GRINA: variants seen among roughly 807,000 people sequenced by gnomAD.
GRINA encodes the protein glutamate ionotropic receptor NMDA type subunit associated protein 1.
A neutral mutation model predicts 42.5 loss-of-function variants in GRINA; 26 were observed. That is an observed-to-expected ratio of 0.61 (90% CI 0.45 to 0.85). The LOEUF (loss-of-function observed/expected upper bound fraction) is 0.85, where lower values mean the gene tolerates loss of function less well. Ranked by LOEUF, GRINA falls within the 40% of genes least tolerant of loss-of-function variation. The pLI, the probability that GRINA is intolerant of heterozygous loss-of-function variation, is 0.00. For missense variants in GRINA, 475 were observed against 481.5 expected (o/e 0.99, Z 0.13); for synonymous variants, 256 against 204.2 (o/e 1.25, Z -2.17).
rs1834106077 is a variant in GRINA at position 143,991,981 on chromosome 8, C to T, written c.596C>T (p.Thr199Ile). Residue 199 changes from threonine to isoleucine, a missense_variant, in exon 4 of 7, where the codon ACC (threonine) becomes ATC (isoleucine). Thr to Ile is a moderately conservative substitution (Grantham distance 89). Around this residue, in one of 2 missense-constraint regions of GRINA, gnomAD observed 321 missense variants for 267.2 expected, o/e 1.20. Transcript: ENST00000395068. ...GGCTTTGTCCGGGAGAATGTCTGGA[C>T]CTACTATGTCTCCTATGCTGTCTTC... Reference protein sequence around the residue: ...VKGFVRENVWTYYVSYAVFFI... With the variant: ...VKGFVRENVWIYYVSYAVFFI... 6.2e-7 allele frequency: 1 copy of T among 1,613,496 alleles called. No individual in the cohort carries two copies. The highest frequency in any genetic ancestry group is 1.3e-5 in the African/African-American group (1 of 74,892).
rs782648886 is a variant in GRINA at position 143,991,772 on chromosome 8, G to A, written c.460G>A (p.Asp154Asn). The change falls in exon 3 of 7, where the codon GAC becomes AAC. Residue 154 changes from aspartate (D) to asparagine (N), a missense_variant. Asp to Asn is a conservative substitution (Grantham distance 23). Coordinates refer to ENST00000395068, the MANE Select transcript of GRINA (RefSeq NM_001009184.2). Reference protein sequence around the residue: ...NQDFPATNWDDKSIRQAFIRK... With the variant: ...NQDFPATNWDNKSIRQAFIRK... ...GGACTTCCCTGCCACCAACTGGGAT[G>A]ACAAGAGCATCCGACAGGCCTTCAT... 1 of 1,613,802 alleles carries A rather than the reference G, an allele frequency of 6.2e-7. No individual in the cohort carries two copies. Among genetic ancestry groups the A allele is most frequent in the Non-Finnish European group, 8.5e-7 (1 of 1,179,730 alleles).
chr8:143,990,125 T>TGCGGGC lies in GRINA; in HGVS notation c.-96_-91dup, dbSNP rs1470225310. On this transcript the variant is annotated 5_prime_UTR_variant, in exon 1 of 7. Transcript: ENST00000395068. This position sits in a 1 kb window ranked among gnomAD's most constrained non-coding sequence, Gnocchi z 5.6. Reference sequence around the variant, plus strand: ...TGAGCGGCCGCCGAGCGGGTGCGGGTGCGGGCGCATCGGCCATCACCGCGC... The same window carrying TGCGGGC: ...TGAGCGGCCGCCGAGCGGGTGCGGGTGCGGGCGCGGGCGCATCGGCCATCACCGCGC... The TGCGGGC allele has an allele frequency of 1.2e-4, 18 of 149,974 alleles. No individual in the cohort carries two copies. Among genetic ancestry groups the TGCGGGC allele is most frequent in the African/African-American group, 2.9e-4 (12 of 40,904 alleles). The allele number at this position is 149,974 out of a possible 1,614,324, so 9.3% of individuals were successfully genotyped here.
At position 143,991,564 on chromosome 8, in the gene GRINA, A is replaced by T; in HGVS notation, c.341A>T (p.Tyr114Phe). ...YPQSPFPPNP[Y>F]GQPQVFPGQD... Reference sequence around the variant, plus strand: ...CAGAGCCCCTTCCCCCCCAACCCCTATGGACAGCCACAGGTCTTCCCAGGA... The same window carrying T: ...CAGAGCCCCTTCCCCCCCAACCCCTTTGGACAGCCACAGGTCTTCCCAGGA... Residue 114 changes from tyrosine (Y) to phenylalanine (F), a missense_variant, in exon 2 of 7, where the codon TAT becomes TTT. By Grantham distance (22) the Tyr-to-Phe change is conservative. Transcript: ENST00000395068. 1.3e-6 allele frequency: 2 copies of T among 1,581,110 alleles called. No individual in the cohort carries two copies. The highest frequency in any genetic ancestry group is 3.4e-5 in the Admixed American group (2 of 58,336).
At chr8:143,991,653 G>T in intron 2 of GRINA, 39 bp from the exon 3 acceptor site, 1 of 1,591,136 alleles carries the variant, frequency 6.3e-7, no homozygotes, top group Non-Finnish European at 8.6e-7. Context: ...AGGGGGAGGT[G>T]CTTGTGAGTG....
At chr8:143,991,108 G>A (rs574178689) in intron 1 of GRINA, 92 bp from the exon 2 acceptor site, 3 of 668,640 alleles carry the variant, frequency 4.5e-6, no homozygotes, top group South Asian at 2.1e-5. Flanking sequence ...GCTTCCCCCT[G>A]GGTTCCCAGA....
At position 143,992,390 on chromosome 8, in the gene GRINA, G is replaced by C. The variant is rs1225131889; in HGVS notation, c.822+17G>C. On this transcript the variant is annotated intron_variant, in intron 5 of 6. Transcript: ENST00000395068. ...TCCATGCAGGTGAGGGGCCTCCCGT[G>C]GCTGGGCTGTGGCCGCAGGGGCTGA... The C allele has an allele frequency of 1.1e-5, 18 of 1,609,436 alleles. No individual in the cohort carries two copies. The highest frequency in any genetic ancestry group is 1.4e-5 in the Non-Finnish European group (17 of 1,176,516).
Position 143,992,358 on chromosome 8 carries a change from C to T in GRINA, c.807C>T (p.Val269=). The change falls in exon 5 of 7, where the codon GTC becomes GTT. Residue 269 remains valine (V), a synonymous_variant. Transcript: ENST00000395068. ...CCACAGCCGTCTGCTTCACCGTCGT[C>T]ATCTTCTCCATGCAGGTGAGGGGCC... is the stretch of plus-strand genomic sequence containing the variant. The part of the protein sequence containing the change: ...GITTAVCFTV[V]IFSMQTRYDF... 6.3e-7 allele frequency: 1 copy of T among 1,599,334 alleles called. No individual in the cohort carries two copies.
Position 143,990,924 on chromosome 8 carries a change from G to A in GRINA, c.-24-276G>A, listed in dbSNP as rs1351828878. 4 of 208,420 alleles carry A rather than the reference G, an allele frequency of 1.9e-5. No homozygotes were observed. The highest frequency in any genetic ancestry group is 1.6e-3 in the Middle Eastern group (1 of 614). The allele number at this position is 208,420 out of a possible 1,614,324, so 12.9% of individuals were successfully genotyped here. A position where few individuals can be genotyped will look rare whatever the true frequency, so the allele number is the denominator to read the frequency against. ...CGGTTGCTTGTGAGAAACGACCCAA[G>A]CCCCAAATCCCGAGGCTGGCGGTCG... is the stretch of plus-strand genomic sequence containing the variant. On this transcript the variant is annotated intron_variant, in intron 1 of 6. Transcript: ENST00000395068. The surrounding 1 kb of genome is among the most constrained non-coding windows in gnomAD (Gnocchi z 5.6).
Position 143,991,251 on chromosome 8 carries a change from T to A in GRINA, c.28T>A (p.Ser10Thr). 1 of 1,573,380 alleles carries A rather than the reference T, an allele frequency of 6.4e-7. No individual in the cohort carries two copies. Among genetic ancestry groups the A allele is most frequent in the Non-Finnish European group, 8.6e-7 (1 of 1,157,452 alleles). ...GTCCCATGAAAAGAGTTTTTTGGTG[T>A]CTGGGGACAACTATCCTCCCCCCAA... MSHEKSFLV[S>T]GDNYPPPNPG... Residue 10 changes from serine (S) to threonine (T), a missense_variant, in exon 2 of 7, where the codon TCT (serine) becomes ACT (threonine). Around this residue, in one of 2 missense-constraint regions of GRINA, gnomAD observed 321 missense variants for 267.2 expected, o/e 1.20. Transcript: ENST00000395068.
chr8:143,992,112 C>T, intron 4 of GRINA, 34 bp downstream of exon 4: 2 of 1,606,814 alleles, frequency 1.2e-6, no homozygotes, highest in Non-Finnish European at 1.7e-6. Flanking sequence ...GTGCCTGGGT[C>T]CGGCCATGCA....
chr8:143,991,179 T>C, intron 1 of GRINA, 21 bp from the exon 2 acceptor site: 5 of 1,458,552 alleles, frequency 3.4e-6, no homozygotes, highest in Non-Finnish European at 4.6e-6. Flanking sequence ...TGTTCCACTG[T>C]TCCTTGTCTG....
chr8:143,992,182 A>G, intron 4 of GRINA, 63 bp from the exon 5 acceptor site: 1 of 1,599,542 alleles, frequency 6.3e-7, no homozygotes, highest in Non-Finnish European at 8.5e-7. Flanking sequence ...CTCATGAGGC[A>G]GGGGCCGGCA....
In GRINA at chr8:143,991,389, G is replaced by A. The variant is rs372176314; in HGVS notation, c.166G>A (p.Gly56Arg). The change falls in exon 2 of 7, where the codon GGG becomes AGG. Residue 56 changes from glycine to arginine, a missense_variant. Physicochemically the swap from Gly to Arg is moderately radical, Grantham distance 125 (BLOSUM62 -2). Transcript: ENST00000395068. ...PFQPSPYGQP[G>R]YPHGPSPYPQ... is the part of the protein sequence containing the mutation. ...CCAGCCCTCCCCCTACGGTCAGCCA[G>A]GGTACCCCCATGGCCCCAGCCCCTA... is the stretch of plus-strand genomic sequence containing the variant. The A allele has an allele frequency of 2.2e-4, 261 of 1,186,584 alleles. 1 individual carries two copies. In the African/African-American group the frequency reaches 3.8e-3, roughly 17 times the overall value. 73.5% of individuals were successfully genotyped at this position (1,186,584 alleles called of 1,614,324 possible). A position where few individuals can be genotyped will look rare whatever the true frequency, so the allele number is the denominator to read the frequency against.
At chr8:143,991,157 C>A (rs1355082893) in intron 1 of GRINA, 43 bp from the exon 2 acceptor site, 6 of 1,149,556 alleles carry the variant, frequency 5.2e-6, no homozygotes, top group Non-Finnish European at 4.9e-6. Context: ...CCGACGCTGT[C>A]GTCAAGCCAA....
Position 143,991,460 on chromosome 8 carries a change from C to T in GRINA, c.237C>T (p.Tyr79=). The T allele has an allele frequency of 6.7e-7, 1 of 1,492,136 alleles. No homozygotes were observed. Among genetic ancestry groups the T allele is most frequent in the Non-Finnish European group, 8.9e-7 (1 of 1,123,822 alleles). The allele number at this position is 1,492,136 out of a possible 1,614,324, so 92.4% of individuals were successfully genotyped here. Residue 79 remains tyrosine, a synonymous_variant, in exon 2 of 7, where the codon TAC becomes TAT. Transcript: ENST00000395068. ...AGGGTCCCTACCCCCAAGGGGGCTACCCACAGGGCCCCTACCCACAAGAGG... is the reference window on the plus strand; with the variant it reads ...AGGGTCCCTACCCCCAAGGGGGCTATCCACAGGGCCCCTACCCACAAGAGG... ...YPQGPYPQGG[Y]PQGPYPQEGY...
chr8:143,991,850 G>T (rs372602998), intron 3 of GRINA, 28 bp from the exon 4 acceptor site: 17 of 1,609,988 alleles, frequency 1.1e-5, no homozygotes, highest in Non-Finnish European at 1.4e-5. Flanking sequence ...GGCTCCCAGC[G>T]GATGACTCTG....
Position 143,992,996 on chromosome 8 carries a change from C to T in GRINA, c.*155C>T, listed in dbSNP as rs1834126851. On this transcript the variant is annotated 3_prime_UTR_variant, in exon 7 of 7. Coordinates refer to ENST00000395068, the MANE Select transcript of GRINA (RefSeq NM_001009184.2). Reference sequence around the variant, plus strand: ...CTCCAACCCTCCTGTATGTACACTGCAGATACTTCCATTTGGACCCGCTGT... The same window carrying T: ...CTCCAACCCTCCTGTATGTACACTGTAGATACTTCCATTTGGACCCGCTGT... 4 of 639,414 alleles carry T rather than the reference C, an allele frequency of 6.3e-6. No individual in the cohort carries two copies. The highest frequency in any genetic ancestry group is 3.7e-5 in the African/African-American group (2 of 54,662). The allele number at this position is 639,414 out of a possible 1,614,324, so 39.6% of individuals were successfully genotyped here.
Position 143,991,269 on chromosome 8 carries a change from C to G in GRINA, c.46C>G (p.Pro16Ala). ...SFLVSGDNYP[P>A]PNPGYPGGPQ... Reference sequence around the variant, plus strand: ...TTTGGTGTCTGGGGACAACTATCCTCCCCCCAACCCTGGATATCCGGGGGG... The same window carrying G: ...TTTGGTGTCTGGGGACAACTATCCTGCCCCCAACCCTGGATATCCGGGGGG... The change falls in exon 2 of 7, where the codon CCC becomes GCC. Residue 16 changes from proline to alanine, a missense_variant. Transcript: ENST00000395068. 1 of 1,538,052 alleles carries G rather than the reference C, an allele frequency of 6.5e-7. No individual in the cohort carries two copies. The highest frequency in any genetic ancestry group is 1.2e-5 in the South Asian group (1 of 85,444).
At position 143,991,208 on chromosome 8, in the gene GRINA, C is replaced by G. The variant is rs1355866890; in HGVS notation, c.-16C>G. On this transcript the variant is annotated 5_prime_UTR_variant, in exon 2 of 7. Transcript: ENST00000395068. ...TTGTCTGTCTTCTCTAGGGGCGGAC[C>G]GCGGAACCCGAGGCCATGTCCCATG... 2 of 1,553,334 alleles carry G rather than the reference C, an allele frequency of 1.3e-6. No homozygotes were observed. The highest frequency in any genetic ancestry group is 1.7e-6 in the Non-Finnish European group (2 of 1,149,652).
Sources: gnomAD v4.1 joint callset for allele counts on GRCh38, gnomAD v4.1.1 for gene constraint, gnomAD v4.1.1 regional missense constraint, Gnocchi (gnomAD v3.1) non-coding constraint, MANE v1.5 for transcripts, NCBI Gene and HGNC (gene_info 2026-07-23, HGNC 2026-07-21) for gene names.